Variants in PRKCE observed in about 807,000 individuals in gnomAD.
PRKCE encodes protein kinase C epsilon type.
Under a neutral mutation model 85.4 loss-of-function variants are expected in PRKCE, and 16 were observed. That is an observed-to-expected ratio of 0.19 (90% confidence interval 0.13 to 0.28). The LOEUF is 0.28. Among genes scored for constraint, PRKCE ranks in the 10% least tolerant of loss-of-function variants. The probability of loss-of-function intolerance (pLI) is 1.00; values close to 1 mark genes in which losing one functional copy is unlikely to be tolerated. For synonymous variants in PRKCE, 388 were observed against 371.5 expected, an observed-to-expected ratio of 1.04 and a Z score of -0.51; for missense variants, 573 against 975.2, an observed-to-expected ratio of 0.59 and a Z score of 5.49.
intron 1 of PRKCE, among the ~76,000 whole-genome samples, chr2:45,672,087 G>T (rs1213502937): frequency 6.7e-6 from 1 of 149,316 alleles, no homozygotes. Context: ...AAAAAAAAGA[G>T]GAAAGGAAAA....
At position 46,057,077 on chromosome 2, in the gene PRKCE, T is replaced by C. The variant is rs549085295; in HGVS notation, c.1438-29131T>C. 2.0e-5 allele frequency among the ~76,000 whole-genome samples: 3 copies of C among 152,292 alleles called. No homozygotes were observed. The South Asian group carries it at 6.2e-4, about 32-fold the overall frequency. ...TCTATGGAGTCTCAGAGCTTCTCTATGTGGTCTCTGTGTATGGCCTGACTC... is the reference window on the plus strand; with the variant it reads ...TCTATGGAGTCTCAGAGCTTCTCTACGTGGTCTCTGTGTATGGCCTGACTC... On this transcript the variant is annotated intron_variant, in intron 10 of 14. Transcript: ENST00000306156.
chr2:45,657,042 A>AG (rs1165171563), intron 1 of PRKCE, among the ~76,000 whole-genome samples: 1 of 152,244 alleles, frequency 6.6e-6, no homozygotes, highest in Non-Finnish European at 1.5e-5. Context: ...TAGGGCTTGA[A>AG]GGGCTGCATG....
Position 46,159,314 on chromosome 2 carries a change from C to A in PRKCE, c.1921-292C>A, listed in dbSNP as rs561864660. Among the ~76,000 whole-genome samples the A allele has an allele frequency of 3.3e-5, 5 of 152,150 alleles. No individual in the cohort carries two copies. The highest frequency in any genetic ancestry group is 4.8e-5 in the African/African-American group (2 of 41,440). ...GGGTGACTTTGGCCAAATTAGCTGA[C>A]CTCTGTGTGCTTCTAGTGCCTCGTT... On this transcript the variant is annotated intron_variant, in intron 13 of 14. Coordinates refer to ENST00000306156, the MANE Select transcript of PRKCE (RefSeq NM_005400.3). The surrounding 1 kb of genome is among the most constrained non-coding windows in gnomAD (Gnocchi z 4.1).
intron 2 of PRKCE, among the ~76,000 whole-genome samples, chr2:45,878,474 C>T (rs532383728): frequency 6.6e-6 from 1 of 152,266 alleles, no homozygotes; most frequent in South Asian, 2.1e-4. Context: ...TTTGAGCGGG[C>T]TCTGATCTTT....
chr2:46,135,947 C>G (rs1674948858), intron 11 of PRKCE, among the ~76,000 whole-genome samples: 3 of 151,426 alleles, frequency 2.0e-5, no homozygotes, highest in Non-Finnish European at 2.9e-5. Context: ...ACGTCTTTCT[C>G]TCAAGTGTAT....
intron 1 of PRKCE, among the ~76,000 whole-genome samples, chr2:45,817,066 A>AGAGT (rs374200877): frequency 7.4e-6 from 1 of 135,788 alleles, no homozygotes; most frequent in Non-Finnish European, 1.6e-5. Context: ...CTGTAAGTAG[A>AGAGT]GTGTGTGTGT....
intron 10 of PRKCE, among the ~76,000 whole-genome samples, chr2:46,051,503 C>T (rs1196101164): frequency 6.6e-6 from 1 of 152,194 alleles, no homozygotes; most frequent in Non-Finnish European, 1.5e-5. Flanking sequence ...CCATTCTTCT[C>T]CCAAGCTGCT....
intron 1 of PRKCE, among the ~76,000 whole-genome samples, chr2:45,780,780 C>T (rs1177948292): frequency 6.6e-6 from 1 of 152,186 alleles, no homozygotes; most frequent in Non-Finnish European, 1.5e-5. Context: ...TCATAGCTTC[C>T]TCCTCTCATT....
At chr2:46,084,021 T>A (rs910737523) in intron 10 of PRKCE, among the ~76,000 whole-genome samples, 1 of 152,194 alleles carries the variant, frequency 6.6e-6, no homozygotes, top group Admixed American at 6.5e-5. Context: ...TCCAGTGGTC[T>A]GGGGTTGGCG....
At chr2:45,760,143 A>G (rs1684342293) in intron 1 of PRKCE, among the ~76,000 whole-genome samples, 1 of 152,156 alleles carries the variant, frequency 6.6e-6, no homozygotes, top group Non-Finnish European at 1.5e-5. Context: ...TGTGAAAAGG[A>G]GAAGAGATTA....
intron 1 of PRKCE, among the ~76,000 whole-genome samples, chr2:45,709,257 C>T (rs1325753072): frequency 6.6e-6 from 1 of 152,244 alleles, no homozygotes; most frequent in Non-Finnish European, 1.5e-5. Context: ...CGGGCAGACC[C>T]AGCCAGGCCA....
intron 14 of PRKCE, among the ~76,000 whole-genome samples, chr2:46,160,396 C>G (rs542491795): frequency 6.6e-6 from 1 of 152,188 alleles, no homozygotes; most frequent in Non-Finnish European, 1.5e-5. Context: ...AGTCTGGGCT[C>G]GACTCACAAA....
At chr2:46,074,429 C>CAAAAAAAAAAAAAAAAAAAAAA (rs11287357) in intron 10 of PRKCE, among the ~76,000 whole-genome samples, 14 of 93,858 alleles carry the variant, frequency 1.5e-4, no homozygotes, top group Admixed American at 3.5e-4. Flanking sequence ...CAACAACAAC[C>CAAAAAAAAAAAAAAAAAAAAAA]AAAAAAAAAA....
intron 10 of PRKCE, among the ~76,000 whole-genome samples, chr2:46,081,273 C>T (rs375448713): frequency 1.1e-3 from 172 of 152,348 alleles, no homozygotes; most frequent in African/African-American, 4.0e-3. Flanking sequence ...CCACACCTGG[C>T]CTGCAGATAT....
At chr2:46,131,347 T>C (rs1335669155) in intron 11 of PRKCE, among the ~76,000 whole-genome samples, 1 of 152,230 alleles carries the variant, frequency 6.6e-6, no homozygotes, top group Non-Finnish European at 1.5e-5. Flanking sequence ...CTGACTCTCC[T>C]GGATCTTCTG....
At chr2:45,842,752 A>T (rs1691458785) in intron 1 of PRKCE, among the ~76,000 whole-genome samples, 1 of 152,116 alleles carries the variant, frequency 6.6e-6, no homozygotes, top group African/African-American at 2.4e-5. Flanking sequence ...CTGCCTCCAG[A>T]TGTTTGCCAA....
chr2:45,916,630 T>G (rs1015041325), intron 2 of PRKCE, among the ~76,000 whole-genome samples: 3 of 152,236 alleles, frequency 2.0e-5, no homozygotes, highest in African/African-American at 7.2e-5. Flanking sequence ...GAGTATTTCT[T>G]TAGCCAATCG....
At chr2:45,889,037 C>A (rs1695511855) in intron 2 of PRKCE, among the ~76,000 whole-genome samples, 1 of 152,214 alleles carries the variant, frequency 6.6e-6, no homozygotes, top group African/African-American at 2.4e-5. Context: ...TTAGAAATTA[C>A]AACAAAATAC....
At chr2:45,699,669 G>T (rs761720321) in intron 1 of PRKCE, among the ~76,000 whole-genome samples, 6 of 152,214 alleles carry the variant, frequency 3.9e-5, no homozygotes, top group Non-Finnish European at 7.3e-5. Context: ...AAGGAAACCA[G>T]TCTTGTTTTT....
Sources: allele counts gnomAD v4.1 joint callset (sites outside exome capture counted in the v4.1 genomes callset), GRCh38; gene constraint gnomAD v4.1.1; non-coding constraint Gnocchi (gnomAD v3.1); transcripts MANE v1.5; gene names NCBI Gene and HGNC (gene_info 2026-07-23, HGNC 2026-07-21).